KIAA0232: variants seen among roughly 807,000 people sequenced by gnomAD.
KIAA0232 encodes KIAA0232, also known as uncharacterized protein KIAA0232.
Under a neutral mutation model 122.0 loss-of-function variants are expected in KIAA0232, and 27 were observed. That is an observed-to-expected ratio of 0.22 (90% CI 0.16 to 0.31). KIAA0232 has a LOEUF of 0.31. KIAA0232 is among the 10% of genes least tolerant of loss of function. The pLI, the probability that KIAA0232 is intolerant of heterozygous loss-of-function variation, is 1.00. For missense variants in KIAA0232, 1,551 were observed against 1,634.2 expected (o/e 0.95, Z 0.88); for synonymous variants, 613 against 587.6 (o/e 1.04, Z -0.63).
intron 3 of KIAA0232, among the ~76,000 whole-genome samples, chr4:6,832,523 A>G (rs1719049818): frequency 6.6e-6 from 1 of 151,702 alleles, no homozygotes; most frequent in South Asian, 2.1e-4. Flanking sequence ...TAATTTTTGT[A>G]TTTTTAGTAG....
At chr4:6,836,701 C>T (rs1047261413) in intron 3 of KIAA0232, among the ~76,000 whole-genome samples, 15 of 151,848 alleles carry the variant, frequency 9.9e-5, no homozygotes, top group South Asian at 4.2e-4. Flanking sequence ...TGCCGCCTTC[C>T]GCAGTGTTTG....
At position 6,842,104 on chromosome 4, in the gene KIAA0232, A is replaced by G. The variant is rs373005150; in HGVS notation, c.269A>G (p.Tyr90Cys). 2.7e-5 allele frequency: 44 copies of G among 1,613,734 alleles called. No homozygotes were observed. In the African/African-American group the frequency reaches 4.9e-4, roughly 18 times the overall value. The change falls in exon 4 of 10, where the codon TAT becomes TGT. Residue 90 changes from tyrosine (Y) to cysteine (C), a missense_variant. By Grantham distance (194) the Tyr-to-Cys change is radical. Around this residue, in one of 5 missense-constraint regions of KIAA0232, gnomAD observed 377 missense variants for 381.7 expected, o/e 0.99. Coordinates refer to ENST00000307659, the MANE Select transcript of KIAA0232 (RefSeq NM_014743.3). ...TTCCTGGGCTGGGAAAAAGGAGCTTATAAGAAATGGGGAAAGAGTAAGAAA... is the reference window on the plus strand; with the variant it reads ...TTCCTGGGCTGGGAAAAAGGAGCTTGTAAGAAATGGGGAAAGAGTAAGAAA... Reference protein sequence around the residue: ...DIFLGWEKGAYKKWGKSKKKC... With the variant: ...DIFLGWEKGACKKWGKSKKKC...
intron 7 of KIAA0232, 43 bp from the exon 8 acceptor site, chr4:6,871,531 G>T: frequency 8.7e-7 from 1 of 1,143,786 alleles, no homozygotes; most frequent in Non-Finnish European, 1.3e-6. Flanking sequence ...CCTCTAACCT[G>T]AAAGTTTATA....
intron 7 of KIAA0232, among the ~76,000 whole-genome samples, chr4:6,868,457 G>A (rs1482002444): frequency 6.6e-6 from 1 of 152,180 alleles, no homozygotes; most frequent in Non-Finnish European, 1.5e-5. Context: ...CGCTGGACGA[G>A]GGGCATTGGG....
intron 1 of KIAA0232, among the ~76,000 whole-genome samples, chr4:6,791,863 T>G (rs1165622374): frequency 6.6e-6 from 1 of 152,304 alleles, no homozygotes; most frequent in South Asian, 2.1e-4. Flanking sequence ...CATCTTGAAT[T>G]CCCACATGTT....
chr4:6,880,880 T>C lies in KIAA0232; in HGVS notation c.4102T>C (p.Ser1368Pro). Residue 1368 changes from serine (S) to proline (P), a missense_variant, in exon 10 of 10, where the codon TCC (serine) becomes CCC (proline). This residue lies in a region of KIAA0232 where 1,108 missense variants were observed against 1,154.8 expected (regional missense o/e 0.96). Transcript: ENST00000307659. ...FRGKMCSSAS[S>P]TSEETGSEGG... Reference sequence around the variant, plus strand: ...CGGAAAGATGTGCTCCAGCGCCAGCTCCACCTCGGAAGAGACAGGCTCAGA... The same window carrying C: ...CGGAAAGATGTGCTCCAGCGCCAGCCCCACCTCGGAAGAGACAGGCTCAGA... 1 of 1,607,472 alleles carries C rather than the reference T, an allele frequency of 6.2e-7. No individual in the cohort carries two copies.
chr4:6,819,378 C>T (rs2109012414), intron 2 of KIAA0232, among the ~76,000 whole-genome samples: 1 of 152,098 alleles, frequency 6.6e-6, no homozygotes, highest in Admixed American at 6.5e-5. Flanking sequence ...GGTCCAATAT[C>T]CAGAATCTAT....
At chr4:6,850,453 C>G (rs370560804) in intron 4 of KIAA0232, among the ~76,000 whole-genome samples, 1 of 152,108 alleles carries the variant, frequency 6.6e-6, no homozygotes, top group Non-Finnish European at 1.5e-5. Context: ...CTTAAACTTT[C>G]TATAAATTAT....
chr4:6,786,036 A>G (rs1355936224), intron 1 of KIAA0232, among the ~76,000 whole-genome samples: 3 of 152,066 alleles, frequency 2.0e-5, no homozygotes, highest in East Asian at 1.9e-4. Flanking sequence ...CCTTTCCTCA[A>G]TCATAGTTCT....
At chr4:6,810,319 A>G (rs1338730309) in intron 2 of KIAA0232, among the ~76,000 whole-genome samples, 3 of 152,216 alleles carry the variant, frequency 2.0e-5, no homozygotes, top group Non-Finnish European at 4.4e-5. Flanking sequence ...AACAACATAC[A>G]TCAGAGAAAG....
At chr4:6,838,119 TTCTGAGAAAAATTA>T (rs1057267755) in intron 3 of KIAA0232, among the ~76,000 whole-genome samples, 3 of 152,098 alleles carry the variant, frequency 2.0e-5, no homozygotes, top group Non-Finnish European at 4.4e-5. Context: ...ACCTTTCAGA[TTCTGAGAAAAATTA>T]TCTCCATTCT....
intron 4 of KIAA0232, among the ~76,000 whole-genome samples, chr4:6,851,622 G>A (rs1249042251): frequency 6.6e-6 from 1 of 151,482 alleles, no homozygotes; most frequent in Non-Finnish European, 1.5e-5. Context: ...CTGAGAAGGT[G>A]GGAGCAACAC....
At chr4:6,821,405 A>G (rs1437329942) in intron 2 of KIAA0232, among the ~76,000 whole-genome samples, 5 of 152,004 alleles carry the variant, frequency 3.3e-5, no homozygotes, top group Admixed American at 2.0e-4. Flanking sequence ...TCCAAAGTCC[A>G]CTGGTATCAT....
chr4:6,809,233 G>T (rs778612374), intron 2 of KIAA0232, among the ~76,000 whole-genome samples: 1 of 152,190 alleles, frequency 6.6e-6, no homozygotes, highest in Non-Finnish European at 1.5e-5. Flanking sequence ...TTAGACTTCA[G>T]AGTTGTTTCC....
intron 7 of KIAA0232, among the ~76,000 whole-genome samples, chr4:6,868,771 A>G (rs919877500): frequency 2.0e-5 from 3 of 152,228 alleles, no homozygotes; most frequent in Non-Finnish European, 4.4e-5. Flanking sequence ...TAAAAGTTAT[A>G]AATGAGTGGA....
In KIAA0232 at chr4:6,861,142, G is replaced by A. The variant is rs751281150; in HGVS notation, c.760G>A (p.Glu254Lys). 1.4e-5 allele frequency: 22 copies of A among 1,614,034 alleles called. No homozygotes were observed. The highest frequency in any genetic ancestry group is 1.7e-5 in the Non-Finnish European group (20 of 1,180,036). The part of the protein sequence containing the change: ...HEKTQSKSKN[E>K]KENKFSNGTI... ...GAAAACCCAGAGCAAAAGCAAAAAC[G>A]AGAAGGAAAACAAATTTAGTAATGG... The change falls in exon 7 of 10, where the codon GAG (glutamate) becomes AAG (lysine). Residue 254 changes from glutamate to lysine, a missense_variant. By Grantham distance (56) the Glu-to-Lys change is moderately conservative. Coordinates refer to ENST00000307659, the MANE Select transcript of KIAA0232 (RefSeq NM_014743.3).
At chr4:6,857,348 C>A in intron 5 of KIAA0232, 118 bp downstream of exon 5, 1 of 787,466 alleles carries the variant, frequency 1.3e-6, no homozygotes, top group Non-Finnish European at 1.9e-6. Context: ...TCTTTGTGTC[C>A]AGTGTGTGTC....
At position 6,824,237 on chromosome 4, in the gene KIAA0232, A is replaced by T; in HGVS notation, c.-217A>T. 2 of 561,170 alleles carry T rather than the reference A, an allele frequency of 3.6e-6. No homozygotes were observed. The highest frequency in any genetic ancestry group is 6.4e-6 in the Non-Finnish European group (2 of 314,438). The allele number at this position is 561,170 out of a possible 1,614,324, so 34.8% of individuals were successfully genotyped here. A position where few individuals can be genotyped will look rare whatever the true frequency, so the allele number is the denominator to read the frequency against. ...CAATGTGAAATTAAAGTAGAAAATC[A>T]CATCTACATGCATGTTGCTATCAGG... is the stretch of plus-strand genomic sequence containing the variant. On this transcript the variant is annotated 5_prime_UTR_variant, in exon 3 of 10. Coordinates refer to ENST00000307659, the MANE Select transcript of KIAA0232 (RefSeq NM_014743.3).
At chr4:6,871,116 A>G (rs1165404924) in intron 7 of KIAA0232, among the ~76,000 whole-genome samples, 4 of 152,088 alleles carry the variant, frequency 2.6e-5, no homozygotes, top group African/African-American at 9.7e-5. Flanking sequence ...TTTAAAATGC[A>G]CTTTTTTTCA....
Sources: allele counts gnomAD v4.1 joint callset (sites outside exome capture counted in the v4.1 genomes callset), GRCh38; gene constraint gnomAD v4.1.1; regional missense constraint gnomAD v4.1.1; transcripts MANE v1.5; gene names NCBI Gene and HGNC (gene_info 2026-07-23, HGNC 2026-07-21).